Variants in CPLANE1 observed in about 807,000 individuals in gnomAD.
The protein encoded by CPLANE1 is ciliogenesis and planar polarity effector complex subunit 1, also known as ciliogenesis and planar polarity effector 1.
A neutral mutation model predicts 362.5 loss-of-function variants in CPLANE1; 263 were observed. That is an observed-to-expected ratio of 0.73 (90% CI 0.66 to 0.80). The LOEUF (loss-of-function observed/expected upper bound fraction) is 0.80, where lower values mean the gene tolerates loss of function less well. Ranked by LOEUF, CPLANE1 falls within the 30% of genes least tolerant of loss-of-function variation. The pLI, the probability that CPLANE1 is intolerant of heterozygous loss-of-function variation, is 0.00. For synonymous variants in CPLANE1, 1,212 were observed against 1,302.6 expected (o/e 0.93, Z 1.50); for missense variants, 3,461 against 3,793.4 (o/e 0.91, Z 2.30).
In CPLANE1 at chr5:37,243,102, G is replaced by T; in HGVS notation, c.588C>A (p.Cys196Ter). Residue 196 changes from cysteine to a stop codon, truncating the protein, a stop_gained, in exon 6 of 53, where the codon TGC (cysteine) becomes TGA (stop). Transcript: ENST00000651892. LOFTEE classifies it high-confidence loss of function. The stretch of plus-strand genomic sequence containing the variant: ...CAGAATAAAAAGTAAATGAACACAG[G>T]CAGCAGTCTCCAAATAACTGTAGAT... ...FIKNELFGDC[C>*]LCSFTFYSGE... is the part of the protein sequence containing the mutation. The T allele has an allele frequency of 6.5e-7, 1 of 1,537,682 alleles. No individual in the cohort carries two copies. Among genetic ancestry groups the T allele is most frequent in the Non-Finnish European group, 8.8e-7 (1 of 1,140,834 alleles).
At chr5:37,111,749 A>G (rs1759409926) in intron 51 of CPLANE1, among the ~76,000 whole-genome samples, 1 of 152,246 alleles carries the variant, frequency 6.6e-6, no homozygotes, top group African/African-American at 2.4e-5. Flanking sequence ...AAGACATCAC[A>G]GAGTATTTTG....
At position 37,230,423 on chromosome 5, in the gene CPLANE1, T is replaced by A. The variant is rs530056851; in HGVS notation, c.1121+444A>T. Among the ~76,000 whole-genome samples the A allele has an allele frequency of 3.9e-5, 6 of 151,984 alleles. No individual in the cohort carries two copies. In the East Asian group the frequency reaches 7.7e-4, roughly 20 times the overall value. Reference sequence around the variant, plus strand: ...AAATATTGTATATCAATAAAAAAAATTTTAAAACAACAACAAAAATTAAAA... The same window carrying A: ...AAATATTGTATATCAATAAAAAAAAATTTAAAACAACAACAAAAATTAAAA... On this transcript the variant is annotated intron_variant, in intron 9 of 52. Coordinates refer to ENST00000651892, the MANE Select transcript of CPLANE1 (RefSeq NM_001384732.1).
rs761776954 is a variant in CPLANE1 at position 37,125,250 on chromosome 5, G to A, written c.8952C>T (p.Ser2984=). 1 of 1,611,848 alleles carries A rather than the reference G, an allele frequency of 6.2e-7. No homozygotes were observed. The highest frequency in any genetic ancestry group is 1.1e-5 in the South Asian group (1 of 90,600). Residue 2984 remains serine, a synonymous_variant, in exon 47 of 53, where the codon AGC becomes AGT. Transcript: ENST00000651892. ...CTTGACATGGCAGACTTACTGGATT[G>A]CTTCTGGGACAGAAAGGATCATGTT... The part of the protein sequence containing the change: ...GQEHDPFCPR[S]NPLYMTSREI...
Position 37,148,211 on chromosome 5 carries a change from C to G in CPLANE1, c.8431G>C (p.Ala2811Pro). 1 of 1,612,946 alleles carries G rather than the reference C, an allele frequency of 6.2e-7. No homozygotes were observed. ...SSGPEFKKTL[A>P]SKTISISEEV... ...TCAGAAATGCTAATGGTTTTTGAAG[C>G]TAATGTTTTTTTGAATTCAGGGCCA... The change falls in exon 43 of 53, where the codon GCT becomes CCT. Residue 2811 changes from alanine to proline, a missense_variant. Coordinates refer to ENST00000651892, the MANE Select transcript of CPLANE1 (RefSeq NM_001384732.1).
intron 8 of CPLANE1, among the ~76,000 whole-genome samples, chr5:37,237,699 A>T (rs1799323668): frequency 6.6e-6 from 1 of 152,130 alleles, no homozygotes; most frequent in South Asian, 2.1e-4. Context: ...AATACAAAAA[A>T]ATTATCCGGG....
rs1234849009 is a variant in CPLANE1, at chr5:37,122,455, G to C, written c.8992C>G (p.Gln2998Glu). ...YMTSREIRLR[Q>E]KMKHEKDRLL... is the part of the protein sequence containing the mutation. ...CTGTCTTTTTCATGCTTCATCTTTT[G>C]TCTCAGCCTTATTTCCCTTGAAGTC... Residue 2998 changes from glutamine (Q) to glutamate (E), a missense_variant, in exon 48 of 53, where the codon CAA (glutamine) becomes GAA (glutamate). This residue lies in a region of CPLANE1 where 3,380 missense variants were observed against 3,666.1 expected (regional missense o/e 0.92). Coordinates refer to ENST00000651892, the MANE Select transcript of CPLANE1 (RefSeq NM_001384732.1). 1 of 1,612,838 alleles carries C rather than the reference G, an allele frequency of 6.2e-7. No individual in the cohort carries two copies. Among genetic ancestry groups the C allele is most frequent in the South Asian group, 1.1e-5 (1 of 90,734 alleles).
At chr5:37,246,026 TA>T in intron 2 of CPLANE1, 181 bp from the exon 3 acceptor site, 1 of 436,258 alleles carries the variant, frequency 2.3e-6, no homozygotes, top group Non-Finnish European at 3.7e-6. Context: ...TGAATTGTTT[TA>T]AAATACCTCG....
intron 37 of CPLANE1, 183 bp from the exon 38 acceptor site, chr5:37,162,749 G>A (rs1011590919): frequency 1.2e-5 from 5 of 402,738 alleles, no homozygotes; most frequent in African/African-American, 2.0e-5. Flanking sequence ...GTGCAATCTC[G>A]GCTTACTGCA....
At chr5:37,236,243 A>G (rs1277226037) in intron 8 of CPLANE1, among the ~76,000 whole-genome samples, 1 of 152,202 alleles carries the variant, frequency 6.6e-6, no homozygotes, top group Non-Finnish European at 1.5e-5. Flanking sequence ...AGATAAATGT[A>G]ACAGAATACA....
At chr5:37,211,225 C>G (rs1026105348) in intron 16 of CPLANE1, 3 of 1,478,316 alleles carry the variant, frequency 2.0e-6, no homozygotes, top group Non-Finnish European at 2.8e-6. Flanking sequence ...GGTAGTTCCC[C>G]TGATTCTGAC....
At chr5:37,243,800 T>A (rs999744229) in intron 5 of CPLANE1, among the ~76,000 whole-genome samples, 11 of 147,064 alleles carry the variant, frequency 7.5e-5, no homozygotes, top group African/African-American at 2.5e-4. Flanking sequence ...ATATACCATA[T>A]AATATATAAT....
chr5:37,148,783 GCTCACAC>G (rs568166329), intron 42 of CPLANE1, among the ~76,000 whole-genome samples: 173 of 152,260 alleles, frequency 1.1e-3, no homozygotes, highest in African/African-American at 3.3e-3. Context: ...GGGCCCAGTG[GCTCACAC>G]CTGTAATCCC....
intron 35 of CPLANE1, 34 bp downstream of exon 35, chr5:37,167,010 TATG>T: frequency 6.7e-7 from 1 of 1,488,652 alleles, no homozygotes; most frequent in Non-Finnish European, 9.3e-7. Flanking sequence ...CTTGCTGATA[TATG>T]ATATTATCAA....
chr5:37,175,779 G>A (rs1780996854), intron 31 of CPLANE1, 130 bp downstream of exon 31: 2 of 655,588 alleles, frequency 3.1e-6, no homozygotes, highest in Non-Finnish European at 5.3e-6. Flanking sequence ...GTTTTATGTT[G>A]CTTTCATTTT....
chr5:37,230,767 A>C, intron 9 of CPLANE1, 100 bp downstream of exon 9: 1 of 746,588 alleles, frequency 1.3e-6, no homozygotes, highest in Non-Finnish European at 1.9e-6. Context: ...AGAAAAAGTA[A>C]GACAATTTGA....
At chr5:37,212,275 CA>C in intron 16 of CPLANE1, 1 of 1,281,844 alleles carries the variant, frequency 7.8e-7, no homozygotes, top group Non-Finnish European at 1.1e-6. Context: ...GATAAGAGCT[CA>C]AAAAAGATGG....
intron 16 of CPLANE1, among the ~76,000 whole-genome samples, chr5:37,208,134 G>C (rs1791358189): frequency 6.6e-6 from 1 of 152,120 alleles, no homozygotes; most frequent in Non-Finnish European, 1.5e-5. Flanking sequence ...ATTTTTTGTA[G>C]AGACAGGGTT....
At chr5:37,195,477 T>C (rs886491218) in intron 21 of CPLANE1, among the ~76,000 whole-genome samples, 2 of 151,826 alleles carry the variant, frequency 1.3e-5, no homozygotes, top group South Asian at 4.1e-4. Context: ...GGTGTGCACC[T>C]GTCATCCCAG....
At chr5:37,169,680 T>A (rs982750766) in intron 33 of CPLANE1, 119 bp from the exon 34 acceptor site, 1 of 776,796 alleles carries the variant, frequency 1.3e-6, no homozygotes, top group Non-Finnish European at 2.0e-6. Context: ...AAAAAAAAAT[T>A]ATTTATTCAA....
Sources: gnomAD v4.1 joint callset for allele counts (sites outside exome capture counted in the v4.1 genomes callset) on GRCh38, gnomAD v4.1.1 for gene constraint, gnomAD v4.1.1 regional missense constraint, MANE v1.5 for transcripts, NCBI Gene and HGNC (gene_info 2026-07-23, HGNC 2026-07-21) for gene names.